The following CSMD1 variants were observed in gnomAD, a reference collection of about 807,000 sequenced individuals.
CSMD1 encodes the protein CUB and sushi domain-containing protein 1.
Under a neutral mutation model 417.5 loss-of-function variants are expected in CSMD1, and 213 were observed. The observed-to-expected ratio is 0.51, with a 90% CI of 0.46 to 0.57. The LOEUF is 0.57. Among genes scored for constraint, CSMD1 ranks in the 20% least tolerant of loss-of-function variants. CSMD1 has a pLI of 0.00. For synonymous variants in CSMD1, 2,862 were observed against 1,736.8 expected, an observed-to-expected ratio of 1.65 and a Z score of -16.11; for missense variants, 6,923 against 4,529.7, an observed-to-expected ratio of 1.53 and a Z score of -15.17.
At chr8:4,197,492 C>G (rs954949259) in intron 3 of CSMD1, among the ~76,000 whole-genome samples, 1 of 152,162 alleles carries the variant, frequency 6.6e-6, no homozygotes, top group Non-Finnish European at 1.5e-5. Flanking sequence ...AGATGGAAAA[C>G]TGACTCTCTG....
At chr8:4,954,599 TA>T (rs1384727695) in intron 1 of CSMD1, among the ~76,000 whole-genome samples, 46 of 152,272 alleles carry the variant, frequency 3.0e-4, no homozygotes, top group Admixed American at 3.9e-4. Context: ...TTATACTTTC[TA>T]AAAGAAGGAT....
At chr8:4,309,169 G>T (rs61191550) in intron 3 of CSMD1, among the ~76,000 whole-genome samples, 1 of 151,810 alleles carries the variant, frequency 6.6e-6, no homozygotes, top group African/African-American at 2.4e-5. Flanking sequence ...TTCTGAAGAT[G>T]TGTGGAGATT....
intron 26 of CSMD1, among the ~76,000 whole-genome samples, chr8:3,265,218 C>T (rs577856367): frequency 1.3e-3 from 196 of 152,200 alleles, no homozygotes; most frequent in Middle Eastern, 6.8e-3. Context: ...AGCACAGACA[C>T]ATAACGAAGA....
chr8:4,173,582 G>C (rs1250854526), intron 3 of CSMD1, among the ~76,000 whole-genome samples: 2 of 152,120 alleles, frequency 1.3e-5, no homozygotes, highest in African/African-American at 4.8e-5. Context: ...GTAACAATAT[G>C]ATTCGCTGGG....
Position 4,461,366 on chromosome 8 carries a change from G to C in CSMD1, c.303-41301C>G, listed in dbSNP as rs141236275. ...CATACTGGAGGTTTTAGCTAGGGCA[G>C]TGATGCAGGAAATTTAAAGGCATAA... On this transcript the variant is annotated intron_variant, in intron 2 of 69. Coordinates refer to ENST00000635120, the MANE Select transcript of CSMD1 (RefSeq NM_033225.6). Among the ~76,000 whole-genome samples the C allele has an allele frequency of 4.0e-5, 6 of 151,742 alleles. No homozygotes were observed. In the East Asian group the frequency reaches 1.2e-3, roughly 29 times the overall value.
At chr8:3,632,749 G>C (rs933298709) in intron 7 of CSMD1, among the ~76,000 whole-genome samples, 5 of 152,180 alleles carry the variant, frequency 3.3e-5, no homozygotes, top group African/African-American at 1.2e-4. Context: ...TCCTTGCCAA[G>C]TTTTGCTGCC....
chr8:3,610,888 T>C (rs150249038), intron 8 of CSMD1, among the ~76,000 whole-genome samples: 7 of 152,068 alleles, frequency 4.6e-5, no homozygotes, highest in South Asian at 2.1e-4. Flanking sequence ...GCCTTTTCCA[T>C]TGACAGTGCA....
intron 2 of CSMD1, among the ~76,000 whole-genome samples, chr8:4,626,976 G>A (rs10104818): frequency 0.23 from 35,079 of 152,012 alleles, 4,273 homozygotes; most frequent in Middle Eastern, 0.31. Flanking sequence ...GTAGGTGAGT[G>A]TATTTATTGT....
At chr8:3,579,329 A>G (rs1041490778) in intron 9 of CSMD1, among the ~76,000 whole-genome samples, 6 of 124,948 alleles carry the variant, frequency 4.8e-5, no homozygotes, top group East Asian at 2.2e-4. Flanking sequence ...CATGCAATTT[A>G]TCTTACTTAA....
chr8:4,200,036 A>G (rs762196869), intron 3 of CSMD1, among the ~76,000 whole-genome samples: 1 of 152,230 alleles, frequency 6.6e-6, no homozygotes. Context: ...TTGAGGTGCC[A>G]TAAAATCCTG....
In CSMD1 at chr8:3,718,115, C is replaced by T. The variant is rs957962998; in HGVS notation, c.932-9624G>A. ...ATTTTTATTAACATTTAAAATAATG[C>T]GCTATTGGATCATTCTTTGGGATAA... On this transcript the variant is annotated intron_variant, in intron 6 of 69. Transcript: ENST00000635120. Among the ~76,000 whole-genome samples the T allele has an allele frequency of 2.1e-4, 32 of 152,066 alleles. 1 individual carries two copies. Among genetic ancestry groups the T allele is most frequent in the Non-Finnish European group, 3.4e-4 (23 of 68,020 alleles).
chr8:4,645,568 C>A (rs1346421427), intron 1 of CSMD1, among the ~76,000 whole-genome samples: 1 of 151,354 alleles, frequency 6.6e-6, no homozygotes, highest in Non-Finnish European at 1.5e-5. Flanking sequence ...TGGATATGAG[C>A]CCCAGTTTCC....
At chr8:3,869,706 G>T (rs1156427010) in intron 5 of CSMD1, among the ~76,000 whole-genome samples, 2 of 152,106 alleles carry the variant, frequency 1.3e-5, no homozygotes, top group African/African-American at 4.8e-5. Flanking sequence ...AGGAGCATGT[G>T]GGGAAGCTCA....
At chr8:3,140,105 T>C (rs1294243430) in intron 41 of CSMD1, among the ~76,000 whole-genome samples, 1 of 152,108 alleles carries the variant, frequency 6.6e-6, no homozygotes, top group Non-Finnish European at 1.5e-5. Flanking sequence ...GGTTTCACCA[T>C]ATCGGCCAGG....
Position 3,359,197 on chromosome 8 carries a change from C to T in CSMD1, c.3259G>A (p.Gly1087Ser). 17 of 1,613,938 alleles carry T rather than the reference C, an allele frequency of 1.1e-5. No individual in the cohort carries two copies. The highest frequency in any genetic ancestry group is 1.4e-5 in the Non-Finnish European group (17 of 1,179,926). ...LEGATKLTCLGGGRRVWSAPL... is the reference protein window; with the variant it reads ...LEGATKLTCLSGGRRVWSAPL... ...GCACTCCACACACGGCGGCCCCCAC[C>T]CAGGCAGGTAAGCTTGGTGGCACCT... Residue 1087 changes from glycine (G) to serine (S), a missense_variant, in exon 21 of 70, where the codon GGT becomes AGT. Coordinates refer to ENST00000635120, the MANE Select transcript of CSMD1 (RefSeq NM_033225.6).
chr8:4,083,696 T>C (rs1012090208), intron 3 of CSMD1, among the ~76,000 whole-genome samples: 4 of 152,118 alleles, frequency 2.6e-5, no homozygotes, highest in African/African-American at 7.2e-5. Flanking sequence ...CAATTCAAGA[T>C]GGATTAAAGA....
At chr8:4,703,442 T>A (rs758907829) in intron 1 of CSMD1, among the ~76,000 whole-genome samples, 2 of 152,208 alleles carry the variant, frequency 1.3e-5, no homozygotes, top group Non-Finnish European at 2.9e-5. Context: ...CATGCATGAA[T>A]AGCCTATCTT....
At chr8:3,576,288 A>ATAG (rs1207202849) in intron 9 of CSMD1, among the ~76,000 whole-genome samples, 2 of 151,128 alleles carry the variant, frequency 1.3e-5, no homozygotes, top group East Asian at 3.9e-4. Flanking sequence ...AATAATAATA[A>ATAG]TAATAATAAT....
chr8:4,605,548 A>T (rs1033099856), intron 2 of CSMD1, among the ~76,000 whole-genome samples: 4 of 152,220 alleles, frequency 2.6e-5, no homozygotes, highest in African/African-American at 4.8e-5. Flanking sequence ...AATTACGCAA[A>T]TGATAATTAT....
Sources: gnomAD v4.1 joint callset for allele counts (sites outside exome capture counted in the v4.1 genomes callset) on GRCh38, gnomAD v4.1.1 for gene constraint, MANE v1.5 for transcripts, NCBI Gene and HGNC (gene_info 2026-07-23, HGNC 2026-07-21) for gene names.